The following RBPMS2 variants were observed in gnomAD, a reference collection of about 807,000 sequenced individuals.
RBPMS2 encodes the protein RNA-binding protein with multiple splicing 2.
In RBPMS2, 14 loss-of-function variants were observed where a neutral mutation model predicts 25.7. That is an observed-to-expected ratio of 0.55 (90% CI 0.36 to 0.85). RBPMS2 has a LOEUF of 0.85. Ranked by LOEUF, RBPMS2 falls within the 40% of genes least tolerant of loss-of-function variation. The pLI is 0.01. For synonymous variants in RBPMS2, 127 were observed against 115.6 expected, an observed-to-expected ratio of 1.10 and a Z score of -0.63; for missense variants, 252 against 283.4, an observed-to-expected ratio of 0.89 and a Z score of 0.80.
At chr15:64,762,141 TG>T (rs1300688906) in intron 1 of RBPMS2, among the ~76,000 whole-genome samples, 4 of 152,046 alleles carry the variant, frequency 2.6e-5, no homozygotes, top group Non-Finnish European at 5.9e-5. Context: ...CTTCAGCTCA[TG>T]AACAAAGAGG....
At chr15:64,769,980 A>G (rs2083880537) in intron 1 of RBPMS2, among the ~76,000 whole-genome samples, 1 of 152,138 alleles carries the variant, frequency 6.6e-6, no homozygotes, top group Non-Finnish European at 1.5e-5. Flanking sequence ...AGAGTTCGAG[A>G]CCAGCCTGAC....
intron 1 of RBPMS2, among the ~76,000 whole-genome samples, chr15:64,753,037 C>G (rs866299986): frequency 5.3e-5 from 8 of 152,206 alleles, no homozygotes; most frequent in African/African-American, 1.7e-4. Context: ...GCTAAACTAG[C>G]AAGCCCTGAT....
rs554037683 is a variant in RBPMS2, at chr15:64,749,505, A to G, written c.205-12T>C. ...ACAAAACCAACAGGCTAGTAGGAAA[A>G]AGAGAGAACACCCTTATATCTCTCC... On this transcript the variant is annotated splice_polypyrimidine_tract_variant and intron_variant, in intron 3 of 7. Coordinates refer to ENST00000300069, the MANE Select transcript of RBPMS2 (RefSeq NM_194272.3). 4 of 1,609,736 alleles carry G rather than the reference A, an allele frequency of 2.5e-6. No individual in the cohort carries two copies. In the African/African-American group the frequency reaches 4.0e-5, roughly 16 times the overall value.
In RBPMS2 at chr15:64,744,798, G is replaced by GTTTTTTTTTT. The variant is rs748967917; in HGVS notation, c.568-3566_568-3557dup. ...TATTTAAGTTTTTTTGGTTTGTTTT[G>GTTTTTTTTTT]TTTTTTTTTTTTTTTTTTTTTTTTT... On this transcript the variant is annotated intron_variant, in intron 6 of 7. Coordinates refer to ENST00000300069, the MANE Select transcript of RBPMS2 (RefSeq NM_194272.3). 1.2e-3 allele frequency among the ~76,000 whole-genome samples: 55 copies of GTTTTTTTTTT among 46,294 alleles called. 2 individuals carry two copies. The highest frequency in any genetic ancestry group is 2.1e-3 in the African/African-American group (28 of 13,586). The allele number at this position is 46,294 out of a possible 152,430, so 30.4% of individuals were successfully genotyped here.
At chr15:64,774,766 G>C (rs1054119538) in intron 1 of RBPMS2, among the ~76,000 whole-genome samples, 5 of 106,974 alleles carry the variant, frequency 4.7e-5, no homozygotes, top group Non-Finnish European at 1.1e-4. Context: ...GTCACGGGGA[G>C]GGGGTCAGGG....
intron 1 of RBPMS2, among the ~76,000 whole-genome samples, chr15:64,756,970 ATTTTTT>A (rs567804797): frequency 2.0e-5 from 2 of 98,952 alleles, no homozygotes; most frequent in Non-Finnish European, 4.1e-5. Context: ...GCCCGGCCTC[ATTTTTT>A]TTTTTTTTTT....
At chr15:64,759,142 C>A (rs938650832) in intron 1 of RBPMS2, among the ~76,000 whole-genome samples, 1 of 152,098 alleles carries the variant, frequency 6.6e-6, no homozygotes, top group Non-Finnish European at 1.5e-5. Context: ...CTCAGTCTCA[C>A]TCCCAGCTCC....
At chr15:64,775,080 G>C (rs1430584296) in intron 1 of RBPMS2, among the ~76,000 whole-genome samples, 153 bp downstream of exon 1, 2 of 150,764 alleles carry the variant, frequency 1.3e-5, no homozygotes, top group African/African-American at 2.4e-5. Flanking sequence ...CCGCGGACAC[G>C]GGCCGCTCCT....
intron 1 of RBPMS2, among the ~76,000 whole-genome samples, chr15:64,754,233 A>T (rs2083710579): frequency 6.6e-6 from 1 of 152,000 alleles, no homozygotes; most frequent in Non-Finnish European, 1.5e-5. Context: ...AATCACTAGA[A>T]CCCAGGAGGC....
At chr15:64,766,587 G>A (rs376510308) in intron 1 of RBPMS2, among the ~76,000 whole-genome samples, 12 of 151,054 alleles carry the variant, frequency 7.9e-5, no homozygotes, top group African/African-American at 2.2e-4. Flanking sequence ...ACTGCATGAC[G>A]CAATCTCAGC....
intron 2 of RBPMS2, among the ~76,000 whole-genome samples, chr15:64,750,856 G>A (rs1445621967): frequency 1.3e-5 from 2 of 151,656 alleles, no homozygotes; most frequent in African/African-American, 4.8e-5. Context: ...TGGCCAATAT[G>A]GTGAAACCCC....
In RBPMS2 at chr15:64,748,982, G is replaced by A; in HGVS notation, c.418+18C>T. The A allele has an allele frequency of 6.2e-7, 1 of 1,613,732 alleles. No individual in the cohort carries two copies. The highest frequency in any genetic ancestry group is 8.5e-7 in the Non-Finnish European group (1 of 1,179,684). On this transcript the variant is annotated intron_variant, in intron 5 of 7. Transcript: ENST00000300069. ...AATGCAACTCCATGAGGGCCTGCCA[G>A]CTCAGAGTGCCACTCACAGGGGTCC... is the stretch of plus-strand genomic sequence containing the variant.
At chr15:64,750,673 G>C (rs916773961) in intron 2 of RBPMS2, among the ~76,000 whole-genome samples, 1 of 152,178 alleles carries the variant, frequency 6.6e-6, no homozygotes, top group Non-Finnish European at 1.5e-5. Flanking sequence ...TACCTTTTAA[G>C]TTTTCTCATC....
chr15:64,750,417 G>C, intron 2 of RBPMS2, 36 bp from the exon 3 acceptor site: 1 of 1,598,754 alleles, frequency 6.3e-7, no homozygotes, highest in South Asian at 1.1e-5. Flanking sequence ...TGGAAGGTCA[G>C]AAGCGTATGT....
chr15:64,772,753 A>T (rs1014746628), intron 1 of RBPMS2, among the ~76,000 whole-genome samples: 3 of 151,924 alleles, frequency 2.0e-5, no homozygotes, highest in Non-Finnish European at 2.9e-5. Flanking sequence ...GCACCATGGT[A>T]CCATGTGCTC....
At position 64,775,294 on chromosome 15, in the gene RBPMS2, T is replaced by C. The variant is rs1372735944; in HGVS notation, c.26A>G (p.Glu9Gly). The change falls in exon 1 of 8, where the codon GAG becomes GGG. Residue 9 changes from glutamate to glycine, a missense_variant. Glu to Gly is a moderately conservative substitution (Grantham distance 98). Transcript: ENST00000300069. ...GCCGGTGCCGGTGCTGCCGCCGTGC[T>C]CGCCGTCCGGCTTCAGGTTGCTCAT... Reference protein sequence around the residue: MSNLKPDGEHGGSTGTGSG... With the variant: MSNLKPDGGHGGSTGTGSG... The C allele has an allele frequency of 2.2e-6, 3 of 1,351,890 alleles. No homozygotes were observed. Among genetic ancestry groups the C allele is most frequent in the Non-Finnish European group, 2.9e-6 (3 of 1,045,432 alleles). 83.7% of individuals were successfully genotyped at this position (1,351,890 alleles called of 1,614,324 possible).
At chr15:64,758,127 C>T (rs545548851) in intron 1 of RBPMS2, among the ~76,000 whole-genome samples, 7 of 152,280 alleles carry the variant, frequency 4.6e-5, no homozygotes, top group East Asian at 1.9e-4. Context: ...ATACACAAAA[C>T]GTTTTAAAGC....
chr15:64,764,079 G>A (rs2083818487), intron 1 of RBPMS2, among the ~76,000 whole-genome samples: 1 of 152,194 alleles, frequency 6.6e-6, no homozygotes, highest in Non-Finnish European at 1.5e-5. Flanking sequence ...GCTGAAGCGT[G>A]CCTTCCATCA....
chr15:64,763,120 G>A (rs567472020), intron 1 of RBPMS2, among the ~76,000 whole-genome samples: 33 of 152,252 alleles, frequency 2.2e-4, no homozygotes, highest in Admixed American at 3.3e-4. Flanking sequence ...CTTAGGCTTG[G>A]CACCAGCAGG....
Sources: gnomAD v4.1 joint callset for allele counts (sites outside exome capture counted in the v4.1 genomes callset) on GRCh38, gnomAD v4.1.1 for gene constraint, MANE v1.5 for transcripts, NCBI Gene and HGNC (gene_info 2026-07-23, HGNC 2026-07-21) for gene names.